KIF2C: variants seen among roughly 807,000 people sequenced by gnomAD.
KIF2C encodes the protein kinesin-like protein KIF2C.
A neutral mutation model predicts 97.4 loss-of-function variants in KIF2C; 34 were observed. The ratio of observed to expected loss-of-function variants is 0.35; its 90% CI spans 0.27 to 0.46. The LOEUF (loss-of-function observed/expected upper bound fraction) is 0.46, where lower values mean the gene tolerates loss of function less well. Among genes scored for constraint, KIF2C ranks in the 20% least tolerant of loss-of-function variants. The pLI, the probability that KIF2C is intolerant of heterozygous loss-of-function variation, is 1.00. For synonymous variants in KIF2C, 313 were observed against 318.2 expected (o/e 0.98, Z 0.17); for missense variants, 750 against 907.6 (o/e 0.83, Z 2.23).
chr1:44,765,491 A>G (rs1254460165), intron 19 of KIF2C, among the ~76,000 whole-genome samples: 15 of 152,174 alleles, frequency 9.9e-5, no homozygotes, highest in Admixed American at 9.8e-4. Context: ...GAAAAAAACC[A>G]TTTAGGGAGC....
At chr1:44,765,462 A>C (rs1336167097) in intron 19 of KIF2C, among the ~76,000 whole-genome samples, 1 of 138,238 alleles carries the variant, frequency 7.2e-6, no homozygotes, top group Non-Finnish European at 1.5e-5. Flanking sequence ...GTATAATAAT[A>C]AAAAAAGAAA....
Position 44,760,235 on chromosome 1 carries a change from T to A in KIF2C, c.1368-45T>A. On this transcript the variant is annotated intron_variant, in intron 14 of 20. Coordinates refer to ENST00000372224, the MANE Select transcript of KIF2C (RefSeq NM_006845.4). This position sits in a 1 kb window ranked among gnomAD's most constrained non-coding sequence, Gnocchi z 4.2. ...AGAACTTCTGTGGACTTGGGTGCCA[T>A]GGGGGCTGGTGACCACAGAATCTCA... 6.3e-7 allele frequency: 1 copy of A among 1,575,474 alleles called. No individual in the cohort carries two copies.
chr1:44,763,889 C>T (rs914664348), intron 19 of KIF2C, among the ~76,000 whole-genome samples: 9 of 152,012 alleles, frequency 5.9e-5, no homozygotes, highest in East Asian at 1.9e-4. Context: ...AAAAATTAGC[C>T]GAGTATGGTG....
intron 19 of KIF2C, among the ~76,000 whole-genome samples, chr1:44,762,932 G>T (rs1650245980): frequency 6.6e-6 from 1 of 152,166 alleles, no homozygotes; most frequent in Non-Finnish European, 1.5e-5. Flanking sequence ...GATTTGAAGG[G>T]TGATCCATAT....
chr1:44,753,255 G>A lies in KIF2C; in HGVS notation c.562+1G>A. The A allele has an allele frequency of 6.2e-7, 1 of 1,611,712 alleles. No individual in the cohort carries two copies. The highest frequency in any genetic ancestry group is 1.7e-5 in the Admixed American group (1 of 59,932). On this transcript the variant is annotated splice_donor_variant, in intron 6 of 20. Transcript: ENST00000372224. LOFTEE classifies it high-confidence loss of function. ...TCTTCTGCAAACCCTGTGAACTCAG[G>A]TAGACACACTGAGCTGTCTGCTGTT... is the stretch of plus-strand genomic sequence containing the variant.
chr1:44,746,628 G>A, intron 2 of KIF2C: 1 of 1,494,970 alleles, frequency 6.7e-7, no homozygotes, highest in Non-Finnish European at 8.9e-7. Context: ...GATCAGCAGG[G>A]GAGCCAAGTG....
chr1:44,747,345 C>T (rs761802525), intron 2 of KIF2C, 39 bp from the exon 3 acceptor site: 2 of 1,373,464 alleles, frequency 1.5e-6, no homozygotes, highest in Non-Finnish European at 2.0e-6. Flanking sequence ...TTGGATTGAA[C>T]AATGTTGTTT....
chr1:44,740,021 AG>A lies in KIF2C; in HGVS notation c.70+21del, dbSNP rs1557586420. ...AGTAATGGTGAGGAGCGGGGTCCCT[AG>A]GTCAAGGGGACTCGTGAGCGGTGAG... On this transcript the variant is annotated intron_variant, in intron 1 of 20. Transcript: ENST00000372224. 2.5e-6 allele frequency: 4 copies of A among 1,613,956 alleles called. No homozygotes were observed. In the African/African-American group the frequency reaches 5.3e-5, roughly 22 times the overall value.
chr1:44,764,199 C>CA (rs1650324014), intron 19 of KIF2C, among the ~76,000 whole-genome samples: 1 of 152,104 alleles, frequency 6.6e-6, no homozygotes, highest in African/African-American at 2.4e-5. Context: ...GTTTTTGAGA[C>CA]AGAGTCTCAC....
intron 5 of KIF2C, among the ~76,000 whole-genome samples, chr1:44,750,905 G>A (rs1239021233): frequency 6.6e-6 from 1 of 152,116 alleles, no homozygotes; most frequent in Middle Eastern, 3.2e-3. Flanking sequence ...ATGGGGGCAT[G>A]TTTTCCTGTG....
chr1:44,758,739 G>T (rs1282763437), intron 13 of KIF2C, among the ~76,000 whole-genome samples: 1 of 152,116 alleles, frequency 6.6e-6, no homozygotes, highest in African/African-American at 2.4e-5. Flanking sequence ...AGCTGGGCAT[G>T]GTTAGGGGCA....
At chr1:44,765,881 G>A (rs1225132857) in intron 19 of KIF2C, among the ~76,000 whole-genome samples, 4 of 152,080 alleles carry the variant, frequency 2.6e-5, no homozygotes, top group African/African-American at 4.8e-5. Context: ...GTGAAATCTT[G>A]TCTCTACTAA....
chr1:44,756,273 C>A, intron 10 of KIF2C, 36 bp downstream of exon 10: 2 of 1,598,160 alleles, frequency 1.3e-6, no homozygotes, highest in Non-Finnish European at 1.7e-6. Context: ...CTCCTTGTGC[C>A]CTTCCATCCC....
At chr1:44,746,484 C>A (rs780104136) in intron 2 of KIF2C, 92 of 1,247,202 alleles carry the variant, frequency 7.4e-5, no homozygotes, top group Admixed American at 2.9e-4. Flanking sequence ...CTGTCAGGAA[C>A]TTGCCCCTGC....
At chr1:44,759,885 G>A (rs1650049031) in intron 14 of KIF2C, among the ~76,000 whole-genome samples, 1 of 152,098 alleles carries the variant, frequency 6.6e-6, no homozygotes, top group Non-Finnish European at 1.5e-5. Flanking sequence ...TGTAGACATT[G>A]GTACAGTGGG....
In KIF2C at chr1:44,762,463, G is replaced by A. The variant is rs1254666952; in HGVS notation, c.1857+12G>A. ...TGATTCCAGGCAATGTAAGGACCAG[G>A]ATGCGGCCAAGCAAGACAGAAGTGT... On this transcript the variant is annotated intron_variant, in intron 18 of 20. Transcript: ENST00000372224. The A allele has an allele frequency of 1.9e-6, 3 of 1,613,488 alleles. No homozygotes were observed. Among genetic ancestry groups the A allele is most frequent in the African/African-American group, 2.7e-5 (2 of 74,916 alleles).
In KIF2C at chr1:44,756,672, C is replaced by T. The variant is rs1452135660; in HGVS notation, c.977+435C>T. ...GGTTCCAGCGATTCTCTTGCCTCAG[C>T]CTCCCACATAGCTGGGATTACAGGC... On this transcript the variant is annotated intron_variant, in intron 10 of 20. Transcript: ENST00000372224. Among the ~76,000 whole-genome samples the T allele has an allele frequency of 2.0e-5, 3 of 151,190 alleles. No homozygotes were observed. In the Admixed American group the frequency reaches 2.0e-4, roughly 10 times the overall value.
At chr1:44,756,284 C>T (rs756135021) in intron 10 of KIF2C, 47 bp downstream of exon 10, 2 of 1,586,836 alleles carry the variant, frequency 1.3e-6, no homozygotes, top group Non-Finnish European at 8.6e-7. Flanking sequence ...CTTCCATCCC[C>T]TTTTTTTGTG....
In KIF2C at chr1:44,760,731, T is replaced by C; in HGVS notation, c.1683+29T>C. The C allele has an allele frequency of 6.4e-7, 1 of 1,556,360 alleles. No individual in the cohort carries two copies. The highest frequency in any genetic ancestry group is 8.9e-7 in the Non-Finnish European group (1 of 1,128,094). On this transcript the variant is annotated intron_variant, in intron 16 of 20. Coordinates refer to ENST00000372224, the MANE Select transcript of KIF2C (RefSeq NM_006845.4). The surrounding 1 kb of genome is among the most constrained non-coding windows in gnomAD (Gnocchi z 4.2). ...AGTAGGGTCACTTTGAAGGTGATGG[T>C]ACAGGAGGAGACAGAGTTGCTTTCC...
Sources: allele counts gnomAD v4.1 joint callset (sites outside exome capture counted in the v4.1 genomes callset), GRCh38; gene constraint gnomAD v4.1.1; non-coding constraint Gnocchi (gnomAD v3.1); transcripts MANE v1.5; gene names NCBI Gene and HGNC (gene_info 2026-07-23, HGNC 2026-07-21).